RFX4: variants seen among roughly 807,000 people sequenced by gnomAD.
The protein encoded by RFX4 is regulatory factor X4, also known as transcription factor RFX4.
RFX4 carries 10 observed loss-of-function variants against 95.0 expected under a neutral mutation model. That is an observed-to-expected ratio of 0.11 (90% CI 0.06 to 0.18). RFX4 has a LOEUF of 0.18. RFX4 is among the 10% of genes least tolerant of loss of function. RFX4 has a pLI of 1.00. For synonymous variants in RFX4, 321 were observed against 340.7 expected (o/e 0.94, Z 0.64); for missense variants, 640 against 922.0 (o/e 0.69, Z 3.96).
At chr12:106,650,643 G>T (rs1466339510) in intron 3 of RFX4, among the ~76,000 whole-genome samples, 2 of 152,122 alleles carry the variant, frequency 1.3e-5, no homozygotes, top group African/African-American at 4.8e-5. Flanking sequence ...CAGGAGAATT[G>T]CTTGAACCGG....
chr12:106,725,545 C>T (rs1380016700), intron 13 of RFX4, among the ~76,000 whole-genome samples: 1 of 151,998 alleles, frequency 6.6e-6, no homozygotes, highest in Non-Finnish European at 1.5e-5. Context: ...ATGTCTTTGT[C>T]TTTTTTAGGA....
chr12:106,752,431 C>T (rs1366501104), intron 17 of RFX4, among the ~76,000 whole-genome samples: 2 of 152,264 alleles, frequency 1.3e-5, no homozygotes, highest in South Asian at 2.1e-4. Context: ...TGCTCTCACA[C>T]ACCTGGTCGC....
At chr12:106,679,303 C>T (rs11113082) in intron 4 of RFX4, among the ~76,000 whole-genome samples, 71 of 152,144 alleles carry the variant, frequency 4.7e-4, no homozygotes, top group African/African-American at 1.7e-3. Flanking sequence ...ACTAAAAATA[C>T]AATTAGCCAG....
rs999181812 is a variant in RFX4, at chr12:106,638,839, A to G, written c.131-493A>G. On this transcript the variant is annotated intron_variant, in intron 2 of 17. Coordinates refer to ENST00000392842, the MANE Select transcript of RFX4 (RefSeq NM_213594.3). ...GCTCTCTGGGGTCTCTTTCATAAAGACACTAATTTCATTCATAAGACTCAT... is the reference window on the plus strand; with the variant it reads ...GCTCTCTGGGGTCTCTTTCATAAAGGCACTAATTTCATTCATAAGACTCAT... 5.3e-5 allele frequency among the ~76,000 whole-genome samples: 8 copies of G among 152,164 alleles called. No individual in the cohort carries two copies. In the South Asian group the frequency reaches 8.3e-4, roughly 16 times the overall value.
At chr12:106,596,479 A>T (rs2039621885) in intron 1 of RFX4, among the ~76,000 whole-genome samples, 1 of 152,216 alleles carries the variant, frequency 6.6e-6, no homozygotes, top group Non-Finnish European at 1.5e-5. Context: ...TACACAGGAA[A>T]AGGAAACAAA....
At chr12:106,601,188 G>A in intron 1 of RFX4, 1 of 1,529,162 alleles carries the variant, frequency 6.5e-7, no homozygotes, top group Non-Finnish European at 8.8e-7. Flanking sequence ...GGCCACAGCT[G>A]CTGGCTTCCT....
Position 106,589,053 on chromosome 12 carries a change from GC to G in RFX4, c.43+5694del, listed in dbSNP as rs539015852. The stretch of plus-strand genomic sequence containing the variant: ...AGGTCACTTGGGAAACTCTTCAGCT[GC>G]CCCTCTGATGGCCATAAGGCTCTGC... On this transcript the variant is annotated intron_variant, in intron 1 of 17. Transcript: ENST00000392842. Among the ~76,000 whole-genome samples, 307 of 152,270 alleles carry G rather than the reference GC, an allele frequency of 2.0e-3. 1 individual carries two copies. Among genetic ancestry groups the G allele is most frequent in the Middle Eastern group, 6.8e-3 (2 of 294 alleles).
At chr12:106,687,899 A>G (rs2041693859) in intron 6 of RFX4, among the ~76,000 whole-genome samples, 1 of 152,146 alleles carries the variant, frequency 6.6e-6, no homozygotes, top group African/African-American at 2.4e-5. Context: ...TCCACAGGAT[A>G]AAGTCCATTT....
At chr12:106,614,543 C>G (rs2040032233) in intron 2 of RFX4, among the ~76,000 whole-genome samples, 1 of 148,556 alleles carries the variant, frequency 6.7e-6, no homozygotes, top group Non-Finnish European at 1.5e-5. Context: ...GAGTATCGCT[C>G]TATTGCCCAG....
intron 1 of RFX4, among the ~76,000 whole-genome samples, chr12:106,598,393 G>A (rs1016912727): frequency 2.0e-5 from 3 of 152,114 alleles, no homozygotes; most frequent in South Asian, 2.1e-4. Context: ...AGAGAAAAAC[G>A]AATGGAAATG....
chr12:106,609,805 C>T (rs2039919536), intron 2 of RFX4, among the ~76,000 whole-genome samples: 1 of 151,956 alleles, frequency 6.6e-6, no homozygotes, highest in Non-Finnish European at 1.5e-5. Context: ...GATATAGAAC[C>T]TTTCTTGTCC....
At chr12:106,602,632 T>C (rs1342116319) in intron 1 of RFX4, among the ~76,000 whole-genome samples, 5 of 152,168 alleles carry the variant, frequency 3.3e-5, no homozygotes, top group Admixed American at 1.3e-4. Flanking sequence ...AAGTCAAGCA[T>C]GATCTTTCCT....
intron 2 of RFX4, among the ~76,000 whole-genome samples, chr12:106,611,187 G>T (rs1313801954): frequency 6.6e-6 from 1 of 152,104 alleles, no homozygotes; most frequent in African/African-American, 2.4e-5. Flanking sequence ...AGTTGTAGGA[G>T]TTCTTCACAT....
At chr12:106,625,186 G>T (rs1439614778) in intron 2 of RFX4, among the ~76,000 whole-genome samples, 1 of 152,192 alleles carries the variant, frequency 6.6e-6, no homozygotes, top group Non-Finnish European at 1.5e-5. Flanking sequence ...CTAGTTAGTG[G>T]CAGAATCAGG....
intron 2 of RFX4, among the ~76,000 whole-genome samples, chr12:106,628,080 G>A (rs1451532151): frequency 6.6e-6 from 1 of 152,208 alleles, no homozygotes; most frequent in East Asian, 1.9e-4. Flanking sequence ...TGTTTAGGCT[G>A]TGATTTAAGA....
At chr12:106,736,281 C>A (rs1182321095) in intron 15 of RFX4, among the ~76,000 whole-genome samples, 5 of 152,202 alleles carry the variant, frequency 3.3e-5, no homozygotes, top group Non-Finnish European at 7.3e-5. Context: ...TAGCCCAGGG[C>A]AGTATTTCCC....
intron 4 of RFX4, among the ~76,000 whole-genome samples, chr12:106,656,438 C>G (rs1018822383): frequency 7.9e-5 from 12 of 152,162 alleles, no homozygotes; most frequent in African/African-American, 2.9e-4. Context: ...ACCCACTTTG[C>G]TTTTCACAAG....
intron 17 of RFX4, among the ~76,000 whole-genome samples, chr12:106,757,885 G>C (rs2043137954): frequency 6.6e-6 from 1 of 152,238 alleles, no homozygotes; most frequent in African/African-American, 2.4e-5. Flanking sequence ...GTCAGTCACA[G>C]CTGAGATGGG....
At chr12:106,623,164 G>A (rs1238173621) in intron 2 of RFX4, among the ~76,000 whole-genome samples, 1 of 148,680 alleles carries the variant, frequency 6.7e-6, no homozygotes, top group East Asian at 2.0e-4. Flanking sequence ...TCAGCCTCCC[G>A]AGTAGCTGGG....
Sources: allele counts gnomAD v4.1 joint callset (sites outside exome capture counted in the v4.1 genomes callset), GRCh38; gene constraint gnomAD v4.1.1; transcripts MANE v1.5; gene names NCBI Gene and HGNC (gene_info 2026-07-23, HGNC 2026-07-21).